NCAM1: variants seen among roughly 807,000 people sequenced by gnomAD.
NCAM1 encodes neural cell adhesion molecule 1.
In NCAM1, 14 loss-of-function variants were observed where a neutral mutation model predicts 109.8. That is an observed-to-expected ratio of 0.13 (90% CI 0.08 to 0.20). NCAM1 has a LOEUF of 0.20. NCAM1 is among the 10% of genes least tolerant of loss of function. NCAM1 has a pLI of 1.00. For synonymous variants in NCAM1, 418 were observed against 442.9 expected (o/e 0.94, Z 0.70); for missense variants, 774 against 1,109.9 (o/e 0.70, Z 4.30).
chr11:113,050,698 T>A (rs187781847), intron 1 of NCAM1, among the ~76,000 whole-genome samples: 17 of 152,246 alleles, frequency 1.1e-4, no homozygotes, highest in African/African-American at 4.1e-4. Context: ...TTCACTTAAA[T>A]CACCCAGATG....
At chr11:113,205,408 G>A (rs1944207103) in intron 3 of NCAM1, 115 bp from the exon 4 acceptor site, 9 of 1,358,152 alleles carry the variant, frequency 6.6e-6, no homozygotes, top group South Asian at 3.1e-5. Context: ...TTATACAACT[G>A]TACATCAGGA....
chr11:113,136,798 C>A (rs1166717759), intron 1 of NCAM1, among the ~76,000 whole-genome samples: 1 of 152,052 alleles, frequency 6.6e-6, no homozygotes, highest in Non-Finnish European at 1.5e-5. Flanking sequence ...AATCCTGAGC[C>A]TTGGAATGGA....
At chr11:113,263,719 A>T (rs1946070107) in intron 17 of NCAM1, 2 of 985,346 alleles carry the variant, frequency 2.0e-6, no homozygotes, top group African/African-American at 3.5e-5. Flanking sequence ...ATCAGCACAG[A>T]GTGGGGCCGT....
intron 19 of NCAM1, among the ~76,000 whole-genome samples, 165 bp downstream of exon 19, chr11:113,272,041 G>A (rs1946294009): frequency 6.6e-6 from 1 of 151,514 alleles, no homozygotes; most frequent in East Asian, 2.0e-4. Flanking sequence ...AGAAATGCCT[G>A]ACCTCAGGCA....
At chr11:113,203,912 TA>T (rs1944152164) in intron 2 of NCAM1, among the ~76,000 whole-genome samples, 1 of 152,222 alleles carries the variant, frequency 6.6e-6, no homozygotes, top group South Asian at 2.1e-4. Context: ...GCCCGAATCC[TA>T]AATACACTAA....
rs188292029 is a variant in NCAM1 at position 113,040,265 on chromosome 11, C to T, written c.52+78601C>T. On this transcript the variant is annotated intron_variant, in intron 1 of 19. Transcript: ENST00000316851. The stretch of plus-strand genomic sequence containing the variant: ...TTTTACACCCCTCAATTTGGGTTAG[C>T]TACAATACATTCCAAGTGTACCCTG... Among the ~76,000 whole-genome samples the T allele has an allele frequency of 2.8e-3, 425 of 152,268 alleles. 1 individual carries two copies. Among genetic ancestry groups the T allele is most frequent in the Non-Finnish European group, 4.1e-3 (279 of 68,030 alleles).
At chr11:113,210,775 A>AATACAC (rs1944364186) in intron 7 of NCAM1, among the ~76,000 whole-genome samples, 1 of 130,886 alleles carries the variant, frequency 7.6e-6, no homozygotes, top group African/African-American at 2.9e-5. Flanking sequence ...CTTCATCACA[A>AATACAC]ACACACACAC....
intron 1 of NCAM1, among the ~76,000 whole-genome samples, chr11:112,987,340 T>C (rs781394722): frequency 6.6e-6 from 1 of 152,148 alleles, no homozygotes; most frequent in Non-Finnish European, 1.5e-5. Context: ...GATTGTTCCA[T>C]GTGTGCTCGA....
chr11:113,264,631 G>T (rs1946096496), intron 17 of NCAM1: 2 of 985,422 alleles, frequency 2.0e-6, no homozygotes, highest in Admixed American at 6.1e-5. Context: ...CAGCTTGGGA[G>T]TCTGCCTCCC....
At chr11:113,058,827 T>C (rs931229271) in intron 1 of NCAM1, among the ~76,000 whole-genome samples, 8 of 152,228 alleles carry the variant, frequency 5.3e-5, no homozygotes, top group African/African-American at 1.9e-4. Flanking sequence ...CTGAAGCCAC[T>C]GGGAGCACGT....
chr11:113,164,018 C>T (rs911855587), intron 1 of NCAM1, among the ~76,000 whole-genome samples: 4 of 152,186 alleles, frequency 2.6e-5, no homozygotes, highest in Non-Finnish European at 5.9e-5. Context: ...ACCACATTAT[C>T]TTGCAAGGTT....
At chr11:113,128,967 A>G (rs1050289677) in intron 1 of NCAM1, among the ~76,000 whole-genome samples, 42 of 151,588 alleles carry the variant, frequency 2.8e-4, no homozygotes, top group African/African-American at 9.0e-4. Flanking sequence ...GCAGGCACAC[A>G]TGATATATTA....
chr11:112,990,203 A>T (rs1166447750), intron 1 of NCAM1, among the ~76,000 whole-genome samples: 1 of 152,156 alleles, frequency 6.6e-6, no homozygotes, highest in Non-Finnish European at 1.5e-5. Context: ...AGGCTTGATT[A>T]CTAGGTTCAT....
intron 1 of NCAM1, among the ~76,000 whole-genome samples, chr11:113,014,195 T>C (rs1952149346): frequency 6.6e-6 from 1 of 152,202 alleles, no homozygotes; most frequent in South Asian, 2.1e-4. Context: ...ACTTTTAGAA[T>C]ATAAAATGCA....
In NCAM1 at chr11:113,233,151, C is replaced by T. The variant is rs1555117624; in HGVS notation, c.1527C>T (p.Thr509=). 2 of 1,612,366 alleles carry T rather than the reference C, an allele frequency of 1.2e-6. No homozygotes were observed. The highest frequency in any genetic ancestry group is 2.2e-5 in the South Asian group (2 of 90,822). The stretch of plus-strand genomic sequence containing the variant: ...CCATATGTGTCTTCCCCACAGACAC[C>T]CCCTCTTCACCATCCATCGACCAGG... ...SLEFILVQAD[T]PSSPSIDQVE... is the part of the protein sequence containing the mutation. Residue 509 remains threonine, a synonymous_variant, in exon 13 of 20, where the codon ACC becomes ACT. Transcript: ENST00000316851. The surrounding 1 kb of genome is among the most constrained non-coding windows in gnomAD (Gnocchi z 4.5).
At chr11:113,236,347 T>G (rs1945166871) in intron 14 of NCAM1, 2 of 1,607,822 alleles carry the variant, frequency 1.2e-6, no homozygotes, top group African/African-American at 2.7e-5. Context: ...ATTACCTGTT[T>G]CCATAGCGTT....
chr11:113,237,122 T>C (rs1199096384), intron 14 of NCAM1, among the ~76,000 whole-genome samples: 3 of 152,104 alleles, frequency 2.0e-5, no homozygotes, highest in Non-Finnish European at 4.4e-5. Context: ...AAGCTGTACA[T>C]AGAGGACACA....
chr11:113,185,823 C>T (rs913950743), intron 1 of NCAM1, among the ~76,000 whole-genome samples: 1 of 152,188 alleles, frequency 6.6e-6, no homozygotes, highest in African/African-American at 2.4e-5. Context: ...ATGTAAAAAT[C>T]ACTTGAGGAG....
At chr11:113,098,811 G>T (rs1359033241) in intron 1 of NCAM1, among the ~76,000 whole-genome samples, 1 of 152,184 alleles carries the variant, frequency 6.6e-6, no homozygotes, top group African/African-American at 2.4e-5. Context: ...AAATGCTCAT[G>T]AAACTTTCAA....
Sources: allele counts gnomAD v4.1 joint callset (sites outside exome capture counted in the v4.1 genomes callset), GRCh38; gene constraint gnomAD v4.1.1; non-coding constraint Gnocchi (gnomAD v3.1); transcripts MANE v1.5; gene names NCBI Gene and HGNC (gene_info 2026-07-23, HGNC 2026-07-21).